FARS2: variants seen among roughly 807,000 people sequenced by gnomAD.
FARS2 encodes phenylalanyl-tRNA synthetase 2, mitochondrial.
In FARS2, 40 loss-of-function variants were observed where a neutral mutation model predicts 46.4. The ratio of observed to expected loss-of-function variants is 0.86; its 90% CI spans 0.67 to 1.12. The LOEUF is 1.12. Among genes scored for constraint, FARS2 ranks in the 50% most tolerant of loss-of-function variants. FARS2 has a pLI of 0.00. For synonymous variants in FARS2, 234 were observed against 214.9 expected (o/e 1.09, Z -0.78); for missense variants, 513 against 567.9 (o/e 0.90, Z 0.98).
chr6:5,459,775 T>C (rs1765132359), intron 4 of FARS2, among the ~76,000 whole-genome samples: 1 of 152,218 alleles, frequency 6.6e-6, no homozygotes, highest in African/African-American at 2.4e-5. Flanking sequence ...CTTTCCCTTT[T>C]CCCCACCTCC....
chr6:5,382,554 T>G (rs1581940880), intron 2 of FARS2, among the ~76,000 whole-genome samples: 1 of 152,220 alleles, frequency 6.6e-6, no homozygotes, highest in Non-Finnish European at 1.5e-5. Flanking sequence ...TCCATAATGA[T>G]GTAGCTAGAG....
At chr6:5,392,769 CAT>C (rs576093041) in intron 2 of FARS2, among the ~76,000 whole-genome samples, 3,924 of 146,308 alleles carry the variant, frequency 0.027, 63 homozygotes, top group Non-Finnish European at 0.035. Flanking sequence ...CACACACACA[CAT>C]GTATATATAT....
chr6:5,260,806 G>A, upstream of FARS2: 2 of 1,530,806 alleles, frequency 1.3e-6, no homozygotes, highest in South Asian at 2.4e-5. Flanking sequence ...CGAAACTCCA[G>A]CCTGTGCGGA....
At chr6:5,596,482 T>G (rs1217473986) in intron 5 of FARS2, among the ~76,000 whole-genome samples, 5 of 152,230 alleles carry the variant, frequency 3.3e-5, no homozygotes, top group African/African-American at 4.8e-5. Flanking sequence ...AAATTTGGTT[T>G]CCTGACTAGT....
chr6:5,561,353 T>C (rs1214758378), intron 5 of FARS2, among the ~76,000 whole-genome samples: 2 of 152,108 alleles, frequency 1.3e-5, no homozygotes, highest in African/African-American at 2.4e-5. Flanking sequence ...TTTGTTTCTG[T>C]GAGGGGTTAT....
At chr6:5,474,817 G>A (rs1194927494) in intron 4 of FARS2, among the ~76,000 whole-genome samples, 2 of 151,796 alleles carry the variant, frequency 1.3e-5, no homozygotes, top group Non-Finnish European at 2.9e-5. Context: ...CCGCCACCAC[G>A]CCCAGCTAAT....
chr6:5,574,171 A>T (rs1280472018), intron 5 of FARS2, among the ~76,000 whole-genome samples: 1 of 152,170 alleles, frequency 6.6e-6, no homozygotes, highest in African/African-American at 2.4e-5. Context: ...TCACTCTGTC[A>T]TCCAGGCTGG....
intron 5 of FARS2, among the ~76,000 whole-genome samples, chr6:5,595,473 A>G (rs1020015202): frequency 1.3e-5 from 2 of 152,194 alleles, no homozygotes; most frequent in Non-Finnish European, 2.9e-5. Context: ...ACCAGAAATC[A>G]TGAAAGAGAG....
intron 4 of FARS2, among the ~76,000 whole-genome samples, chr6:5,512,766 T>C (rs2150406538): frequency 6.6e-6 from 1 of 152,090 alleles, no homozygotes; most frequent in Middle Eastern, 3.4e-3. Flanking sequence ...GCAAAAAATA[T>C]GTATTAAGCA....
intron 6 of FARS2, among the ~76,000 whole-genome samples, chr6:5,646,251 G>C (rs183989805): frequency 1.3e-5 from 2 of 152,178 alleles, no homozygotes; most frequent in Non-Finnish European, 2.9e-5. Flanking sequence ...TGTTTTCCGA[G>C]TATATCTAAT....
intron 6 of FARS2, 99 bp from the exon 7 acceptor site, chr6:5,771,192 C>T: frequency 7.5e-7 from 1 of 1,328,044 alleles, no homozygotes; most frequent in Non-Finnish European, 1.1e-6. Flanking sequence ...CTCAGTTCTC[C>T]ACTGCAGTTG....
intron 6 of FARS2, among the ~76,000 whole-genome samples, chr6:5,655,012 G>A (rs1242621196): frequency 1.3e-5 from 2 of 152,024 alleles, no homozygotes; most frequent in African/African-American, 2.4e-5. Flanking sequence ...TAATACATAC[G>A]ACATACAAAA....
intron 2 of FARS2, among the ~76,000 whole-genome samples, chr6:5,375,887 T>C: frequency 6.6e-6 from 1 of 152,134 alleles, no homozygotes; most frequent in South Asian, 2.1e-4. Flanking sequence ...GAGATTGTCA[T>C]TTTTACTCTG....
chr6:5,611,026 T>C (rs150483488), intron 5 of FARS2, among the ~76,000 whole-genome samples: 3 of 152,306 alleles, frequency 2.0e-5, no homozygotes, highest in African/African-American at 7.2e-5. Flanking sequence ...CTAGAATACC[T>C]GCAATGTAAC....
chr6:5,555,647 G>A (rs1209685976), intron 5 of FARS2, among the ~76,000 whole-genome samples: 2 of 152,186 alleles, frequency 1.3e-5, no homozygotes, highest in East Asian at 1.9e-4. Flanking sequence ...TGTGAGAATC[G>A]CATCGGCTTC....
intron 6 of FARS2, among the ~76,000 whole-genome samples, chr6:5,755,974 CT>C (rs1762182140): frequency 6.6e-6 from 1 of 152,162 alleles, no homozygotes; most frequent in African/African-American, 2.4e-5. Context: ...GGCAAGATTC[CT>C]TTTTGCCAGT....
At chr6:5,265,726 G>A (rs948915979) in intron 1 of FARS2, among the ~76,000 whole-genome samples, 2 of 152,134 alleles carry the variant, frequency 1.3e-5, no homozygotes, top group African/African-American at 4.8e-5. Flanking sequence ...TTAAAATAAG[G>A]TATTAGGTTG....
intron 4 of FARS2, among the ~76,000 whole-genome samples, chr6:5,477,819 G>A (rs543932203): frequency 6.6e-6 from 1 of 152,208 alleles, no homozygotes; most frequent in East Asian, 1.9e-4. Context: ...AGGAGGTGAA[G>A]ACCAGCCTGG....
chr6:5,623,913 G>A (rs992148818), intron 6 of FARS2, among the ~76,000 whole-genome samples: 2 of 152,112 alleles, frequency 1.3e-5, no homozygotes, highest in African/African-American at 4.8e-5. Context: ...GCAGTTATCT[G>A]AACTTAAAGA....
Sources: allele counts gnomAD v4.1 joint callset (sites outside exome capture counted in the v4.1 genomes callset), GRCh38; gene constraint gnomAD v4.1.1; transcripts MANE v1.5; gene names NCBI Gene and HGNC (gene_info 2026-07-23, HGNC 2026-07-21).